MUC5AC: variants seen among roughly 807,000 people sequenced by gnomAD.
MUC5AC encodes mucin 5AC, oligomeric mucus/gel-forming, also known as mucin-5AC.
MUC5AC carries 158 observed loss-of-function variants against 169.7 expected under a neutral mutation model. That is an observed-to-expected ratio of 0.93 (90% CI 0.82 to 1.06). The LOEUF is 1.06. Among genes scored for constraint, MUC5AC ranks in the 50% least tolerant of loss-of-function variants. The pLI is 0.00. For missense variants in MUC5AC, 4,359 were observed against 3,089.9 expected (o/e 1.41, Z -9.74); for synonymous variants, 1,975 against 1,237.0 (o/e 1.60, Z -12.52).
chr11:1,169,079 C>A, intron 15 of MUC5AC, 53 bp downstream of exon 15: 1 of 1,491,220 alleles, frequency 6.7e-7, no homozygotes, highest in Non-Finnish European at 8.9e-7. Context: ...CTGGTTCACC[C>A]GCTTCCATTT....
Position 1,189,391 on chromosome 11 carries a change from C to A in MUC5AC, c.11246C>A (p.Thr3749Lys). The part of the protein sequence containing the change: ...APTTSTISAP[T>K]TSTTSAPTAS... The stretch of plus-strand genomic sequence containing the variant: ...ACAACCAGCACAATCTCTGCCCCTA[C>A]AACCAGCACAACCTCTGCTCCCACA... Residue 3749 changes from threonine (T) to lysine (K), a missense_variant, in exon 31 of 49, where the codon ACA (threonine) becomes AAA (lysine). Transcript: ENST00000621226. The A allele has an allele frequency of 1.7e-6, 1 of 572,562 alleles. No individual in the cohort carries two copies. The highest frequency in any genetic ancestry group is 3.1e-6 in the Non-Finnish European group (1 of 323,960). 35.5% of individuals were successfully genotyped at this position (572,562 alleles called of 1,614,324 possible).
intron 40 of MUC5AC, 51 bp downstream of exon 40, chr11:1,196,959 A>G (rs1861293464): frequency 1.3e-6 from 1 of 743,736 alleles, no homozygotes; most frequent in Admixed American, 1.8e-5. Context: ...GAGCCCGAGG[A>G]GGGAGGCTCT....
At chr11:1,181,689 C>T (rs906984825) in intron 30 of MUC5AC, among the ~76,000 whole-genome samples, 1 of 152,056 alleles carries the variant, frequency 6.6e-6, no homozygotes, top group Non-Finnish European at 1.5e-5. Flanking sequence ...GCAGGCCTGG[C>T]GTCCAAGTCC....
intron 15 of MUC5AC, among the ~76,000 whole-genome samples, chr11:1,171,338 CG>C (rs1860521639): frequency 6.8e-5 from 5 of 73,194 alleles, no homozygotes; most frequent in Non-Finnish European, 1.2e-4. Flanking sequence ...CACTCACTCA[CG>C]CATTCACTCA....
At chr11:1,194,464 C>T (rs766170705) in intron 34 of MUC5AC, 23 bp from the exon 35 acceptor site, 14 of 736,320 alleles carry the variant, frequency 1.9e-5, no homozygotes, top group East Asian at 7.5e-5. Context: ...TCTGACTTCC[C>T]GTCGACCACG....
In MUC5AC at chr11:1,184,505, C is replaced by T. The variant is rs1248953875; in HGVS notation, c.6360C>T (p.Cys2120=). 9.2e-6 allele frequency: 6 copies of T among 650,672 alleles called. No homozygotes were observed. The highest frequency in any genetic ancestry group is 2.3e-5 in the Admixed American group (1 of 43,340). 40.3% of individuals were successfully genotyped at this position (650,672 alleles called of 1,614,324 possible). ...TCACCAGAAACTGTCATCCCCGGTG[C>T]ACCTGGACAACGTGGTTCGACGTGG... ...TPVTRNCHPR[C]TWTTWFDVDF... Residue 2120 remains cysteine (C), a synonymous_variant, in exon 31 of 49, where the codon TGC becomes TGT. Transcript: ENST00000621226.
intron 6 of MUC5AC, 99 bp from the exon 7 acceptor site, chr11:1,163,783 C>T (rs1860216729): frequency 1.0e-6 from 1 of 957,896 alleles, no homozygotes; most frequent in Non-Finnish European, 1.6e-6. Flanking sequence ...CCCTTCTAAC[C>T]CCACCCCAGG....
Position 1,170,842 on chromosome 11 carries a change from CACTG to C in MUC5AC, c.1871-1579_1871-1576del, listed in dbSNP as rs1332446330. 1.3e-4 allele frequency among the ~76,000 whole-genome samples: 20 copies of C among 149,970 alleles called. No homozygotes were observed. In the East Asian group the frequency reaches 1.4e-3, roughly 11 times the overall value. On this transcript the variant is annotated intron_variant, in intron 15 of 48. Coordinates refer to ENST00000621226, the MANE Select transcript of MUC5AC (RefSeq NM_001304359.2). ...TCACCCATTCACCCACTCACTCACC[CACTG>C]ACTGACTCAACCATTCACTCGCCTA...
rs756415399 is a variant in MUC5AC, at chr11:1,167,927, G to A, written c.1437G>A (p.Gly479=). The A allele has an allele frequency of 1.3e-6, 2 of 1,550,668 alleles. No individual in the cohort carries two copies. The highest frequency in any genetic ancestry group is 2.4e-5 in the South Asian group (2 of 84,080). ...FTVLAELRRC[G]LTDSETCLKS... is the part of the protein sequence containing the mutation. The stretch of plus-strand genomic sequence containing the variant: ...TACTGGCTGAGCTGCGCAGGTGCGG[G>A]CTGACGGACAGCGAGACCTGCCTGA... Residue 479 remains glycine, a synonymous_variant, in exon 12 of 49, where the codon GGG becomes GGA. Transcript: ENST00000621226.
chr11:1,199,351 G>A lies in MUC5AC; in HGVS notation c.16396-20G>A, dbSNP rs750562182. 5.0e-4 allele frequency: 350 copies of A among 705,858 alleles called. 2 individuals carry two copies. Among genetic ancestry groups the A allele is most frequent in the Middle Eastern group, 2.4e-4 (1 of 4,168 alleles). 43.7% of individuals were successfully genotyped at this position (705,858 alleles called of 1,614,324 possible). A position where few individuals can be genotyped will look rare whatever the true frequency, so the allele number is the denominator to read the frequency against. Reference sequence around the variant, plus strand: ...AGACGGAGGGAGGGTCACTCACCCCGGGGCCTGGCCTCCCTCCAGCCCGGC... The same window carrying A: ...AGACGGAGGGAGGGTCACTCACCCCAGGGCCTGGCCTCCCTCCAGCCCGGC... On this transcript the variant is annotated intron_variant, in intron 45 of 48. Transcript: ENST00000621226.
chr11:1,174,460 G>A (rs1860623822), intron 16 of MUC5AC, 36 bp from the exon 17 acceptor site: 3 of 1,310,574 alleles, frequency 2.3e-6, no homozygotes, highest in East Asian at 2.6e-5. Flanking sequence ...GTGTGGGCTG[G>A]GGTCTCTGAT....
At chr11:1,176,469 C>T (rs1860692192) in intron 20 of MUC5AC, 45 bp from the exon 21 acceptor site, 1 of 398,894 alleles carries the variant, frequency 2.5e-6, no homozygotes, top group East Asian at 3.6e-5. Flanking sequence ...CCTGGCAGGC[C>T]CCGTGCCCTG....
At chr11:1,194,384 C>T (rs1280993177) in intron 34 of MUC5AC, 24 bp downstream of exon 34, 1 of 708,098 alleles carries the variant, frequency 1.4e-6, no homozygotes, top group Non-Finnish European at 2.6e-6. Flanking sequence ...CGGTGTGCCG[C>T]GGAGGGGGTG....
rs758884198 is a variant in MUC5AC at position 1,195,209 on chromosome 11, A to G, written c.15388A>G (p.Thr5130Ala). The G allele has an allele frequency of 6.6e-6, 5 of 759,892 alleles. No homozygotes were observed. In the South Asian group the frequency reaches 6.8e-5, roughly 10 times the overall value. 47.1% of individuals were successfully genotyped at this position (759,892 alleles called of 1,614,324 possible). Residue 5130 changes from threonine to alanine, a missense_variant, in exon 36 of 49, where the codon ACC becomes GCC. Thr to Ala is a moderately conservative substitution (Grantham distance 58). Transcript: ENST00000621226. ...GGTCGGGCCCACCACAGTTGGGTCT[A>G]CCACGGTCGGGCCCACCACACCGCC... Reference protein sequence around the residue: ...TTVGPTTVGSTTVGPTTPPAP... With the variant: ...TTVGPTTVGSATVGPTTPPAP...
intron 25 of MUC5AC, 27 bp downstream of exon 25, chr11:1,178,710 G>C: frequency 8.6e-7 from 1 of 1,160,136 alleles, no homozygotes; most frequent in Non-Finnish European, 1.1e-6. Context: ...GCGTTTCTCT[G>C]GGCCCAAGGG....
Position 1,184,147 on chromosome 11 carries a change from G to A in MUC5AC, c.6002G>A (p.Ser2001Asn). 1 of 399,026 alleles carries A rather than the reference G, an allele frequency of 2.5e-6. No homozygotes were observed. The highest frequency in any genetic ancestry group is 4.4e-6 in the Non-Finnish European group (1 of 226,932). The allele number at this position is 399,026 out of a possible 1,614,324, so 24.7% of individuals were successfully genotyped here. The change falls in exon 31 of 49, where the codon AGC becomes AAC. Residue 2001 changes from serine to asparagine, a missense_variant. Transcript: ENST00000621226. ...CGAAGCGTGCAGTGCCGGGCAGAGAGCTTCCCCAACACGCCGCTGGCAGAC... is the reference window on the plus strand; with the variant it reads ...CGAAGCGTGCAGTGCCGGGCAGAGAACTTCCCCAACACGCCGCTGGCAGAC... ...SPRSVQCRAESFPNTPLADLG... is the reference protein window; with the variant it reads ...SPRSVQCRAENFPNTPLADLG...
intron 5 of MUC5AC, 126 bp from the exon 6 acceptor site, chr11:1,162,829 A>G: frequency 6.6e-6 from 7 of 1,059,766 alleles, no homozygotes; most frequent in Non-Finnish European, 1.0e-5. Context: ...TGCCCCCAGG[A>G]TGGAGACTGC....
At chr11:1,178,049 G>C (rs1363905691) in intron 24 of MUC5AC, among the ~76,000 whole-genome samples, 5 of 152,326 alleles carry the variant, frequency 3.3e-5, no homozygotes, top group African/African-American at 1.2e-4. Context: ...CTGGGTCTAA[G>C]TTTCCCTCTT....
intron 1 of MUC5AC, among the ~76,000 whole-genome samples, chr11:1,158,289 G>A (rs1234852908): frequency 2.0e-5 from 3 of 152,214 alleles, no homozygotes; most frequent in Non-Finnish European, 4.4e-5. Flanking sequence ...TCTGAGGCTG[G>A]GCCATTCCCT....
Sources: gnomAD v4.1 joint callset for allele counts (sites outside exome capture counted in the v4.1 genomes callset) on GRCh38, gnomAD v4.1.1 for gene constraint, MANE v1.5 for transcripts, NCBI Gene and HGNC (gene_info 2026-07-23, HGNC 2026-07-21) for gene names.